Variants in RNLS observed in about 807,000 individuals in gnomAD.
The protein encoded by RNLS is renalase.
A neutral mutation model predicts 39.8 loss-of-function variants in RNLS; 39 were observed. The ratio of observed to expected loss-of-function variants is 0.98; its 90% confidence interval spans 0.76 to 1.28. RNLS has a LOEUF of 1.28. RNLS is among the 50% of genes most tolerant of loss of function. RNLS has a pLI of 0.00. For synonymous variants in RNLS, 147 were observed against 150.7 expected (o/e 0.98, Z 0.18); for missense variants, 410 against 413.3 (o/e 0.99, Z 0.07).
At chr10:88,386,160 A>T (rs1343851805) in intron 4 of RNLS, among the ~76,000 whole-genome samples, 1 of 152,102 alleles carries the variant, frequency 6.6e-6, no homozygotes, top group South Asian at 2.1e-4. Flanking sequence ...CCTTCCTTAA[A>T]CTCTAACAAA....
intron 4 of RNLS, among the ~76,000 whole-genome samples, chr10:88,372,714 C>T (rs1850661737): frequency 6.6e-6 from 1 of 152,162 alleles, no homozygotes; most frequent in Non-Finnish European, 1.5e-5. Context: ...AACCACTTAG[C>T]AGAGTCTAGA....
At chr10:88,465,903 C>A (rs542444264) in intron 4 of RNLS, among the ~76,000 whole-genome samples, 1 of 152,112 alleles carries the variant, frequency 6.6e-6, no homozygotes, top group East Asian at 1.9e-4. Context: ...TTTTGGGATA[C>A]ATGGAGTCCT....
At chr10:88,516,949 C>T (rs1846437041) in intron 4 of RNLS, among the ~76,000 whole-genome samples, 2 of 151,934 alleles carry the variant, frequency 1.3e-5, no homozygotes, top group African/African-American at 4.8e-5. Flanking sequence ...TATGACAATA[C>T]ACCAACCATT....
intron 4 of RNLS, among the ~76,000 whole-genome samples, chr10:88,394,043 C>T (rs1336634104): frequency 3.9e-5 from 6 of 152,096 alleles, no homozygotes. Flanking sequence ...AAAATTAATT[C>T]AAATGGATTA....
At chr10:88,256,919 T>C in the RNLS span, among the ~76,000 whole-genome samples, 4 of 152,300 alleles carry the variant, frequency 2.6e-5, no homozygotes, top group East Asian at 7.7e-4. Flanking sequence ...ATTAAAATTA[T>C]CCTAAAATCT....
At chr10:88,415,831 T>C (rs1244858036) in intron 4 of RNLS, among the ~76,000 whole-genome samples, 1 of 152,192 alleles carries the variant, frequency 6.6e-6, no homozygotes, top group Non-Finnish European at 1.5e-5. Flanking sequence ...CATGCACAGA[T>C]GGGTTAACCT....
At chr10:88,275,752 C>T (rs1842790286) in intron 6 of RNLS, among the ~76,000 whole-genome samples, 1 of 152,092 alleles carries the variant, frequency 6.6e-6, no homozygotes, top group South Asian at 2.1e-4. Context: ...GGTGGTGTTA[C>T]TACAATTAAA....
At chr10:88,568,265 T>C (rs554990625) in intron 4 of RNLS, among the ~76,000 whole-genome samples, 15 of 152,016 alleles carry the variant, frequency 9.9e-5, no homozygotes, top group Admixed American at 5.9e-4. Context: ...GGGAAATCTA[T>C]AGGGACAGAT....
the RNLS span, among the ~76,000 whole-genome samples, chr10:88,235,217 G>A: frequency 1.0e-4 from 14 of 133,348 alleles, no homozygotes; most frequent in East Asian, 1.7e-3. Flanking sequence ...GCAGTGAGCC[G>A]AGATTGCGCC....
chr10:88,393,924 CA>C (rs1274639085), intron 4 of RNLS, among the ~76,000 whole-genome samples: 10 of 152,026 alleles, frequency 6.6e-5, no homozygotes, highest in Non-Finnish European at 1.3e-4. Flanking sequence ...ACAAACCTGA[CA>C]AAAACAAGCA....
chr10:88,232,310 G>A, the RNLS span, among the ~76,000 whole-genome samples: 1 of 152,166 alleles, frequency 6.6e-6, no homozygotes, highest in Non-Finnish European at 1.5e-5. Flanking sequence ...CCAGAACAAT[G>A]ACCAGAAGAA....
chr10:88,437,147 G>A (rs1841455131), intron 4 of RNLS, among the ~76,000 whole-genome samples: 1 of 152,126 alleles, frequency 6.6e-6, no homozygotes, highest in South Asian at 2.1e-4. Flanking sequence ...ATTATTTTTT[G>A]TAACAAGGAT....
chr10:88,290,204 G>A (rs568350060), intron 6 of RNLS, among the ~76,000 whole-genome samples: 6 of 152,214 alleles, frequency 3.9e-5, no homozygotes, highest in East Asian at 1.9e-4. Context: ...GCTACAGTGC[G>A]TCCCTGGACT....
chr10:88,521,132 A>G (rs1846700729), intron 4 of RNLS, among the ~76,000 whole-genome samples: 1 of 152,010 alleles, frequency 6.6e-6, no homozygotes, highest in African/African-American at 2.4e-5. Context: ...AGGAGTTTCT[A>G]AAAATCTCAA....
At chr10:88,576,261 G>A (rs1409400508) in intron 3 of RNLS, among the ~76,000 whole-genome samples, 1 of 152,092 alleles carries the variant, frequency 6.6e-6, no homozygotes, top group African/African-American at 2.4e-5. Flanking sequence ...CAGAGGCCAG[G>A]ATCATGTCTC....
At chr10:88,313,163 T>G (rs1002987633) in intron 6 of RNLS, among the ~76,000 whole-genome samples, 2 of 152,242 alleles carry the variant, frequency 1.3e-5, no homozygotes, top group African/African-American at 4.8e-5. Flanking sequence ...ACAAATCTAT[T>G]TTTATTAACA....
chr10:88,569,885 C>A (rs909667109), intron 4 of RNLS, among the ~76,000 whole-genome samples: 1 of 151,884 alleles, frequency 6.6e-6, no homozygotes, highest in African/African-American at 2.4e-5. Flanking sequence ...TATTCTAGCA[C>A]CTTGACAAAA....
the RNLS span, among the ~76,000 whole-genome samples, chr10:88,196,998 A>G: frequency 6.6e-6 from 1 of 152,218 alleles, no homozygotes; most frequent in Non-Finnish European, 1.5e-5. Context: ...CCTTCTAATT[A>G]ATAATGATTC....
chr10:88,433,851 A>G (rs1855284959), intron 4 of RNLS, among the ~76,000 whole-genome samples: 1 of 152,172 alleles, frequency 6.6e-6, no homozygotes, highest in Non-Finnish European at 1.5e-5. Flanking sequence ...TGAAATCAAA[A>G]TAATGTAATG....
Sources: allele counts gnomAD v4.1 joint callset (sites outside exome capture counted in the v4.1 genomes callset), GRCh38; gene constraint gnomAD v4.1.1; transcripts MANE v1.5; gene names NCBI Gene and HGNC (gene_info 2026-07-23, HGNC 2026-07-21).